The following CNTN3 variants were observed in gnomAD, a reference collection of about 807,000 sequenced individuals.
CNTN3 encodes contactin-3.
A neutral mutation model predicts 119.1 loss-of-function variants in CNTN3; 60 were observed. That is an observed-to-expected ratio of 0.50 (90% confidence interval 0.41 to 0.62). The LOEUF is 0.62. Among genes scored for constraint, CNTN3 ranks in the 20% least tolerant of loss-of-function variants. The probability of loss-of-function intolerance (pLI) is 0.00; values close to 1 mark genes in which losing one functional copy is unlikely to be tolerated. For synonymous variants in CNTN3, 450 were observed against 438.7 expected, an observed-to-expected ratio of 1.03 and a Z score of -0.32; for missense variants, 1,101 against 1,242.4, an observed-to-expected ratio of 0.89 and a Z score of 1.71.
At chr3:74,278,151 G>A (rs1236274805) in intron 20 of CNTN3, among the ~76,000 whole-genome samples, 4 of 151,944 alleles carry the variant, frequency 2.6e-5, no homozygotes, top group East Asian at 1.9e-4. Flanking sequence ...CCATGCTCAC[G>A]GATGGGTAGA....
chr3:74,576,236 CAG>C (rs1312005220), intron 1 of CNTN3, among the ~76,000 whole-genome samples: 4 of 152,126 alleles, frequency 2.6e-5, no homozygotes, highest in Admixed American at 1.3e-4. Context: ...GAACATCACA[CAG>C]ATTCATTTCT....
intron 8 of CNTN3, among the ~76,000 whole-genome samples, chr3:74,366,010 G>C (rs1575663196): frequency 6.6e-6 from 1 of 152,090 alleles, no homozygotes; most frequent in Non-Finnish European, 1.5e-5. Context: ...TTAGTAGACA[G>C]TAATACAGGT....
At chr3:74,425,052 T>A in intron 4 of CNTN3, 112 bp from the exon 5 acceptor site, 1 of 680,516 alleles carries the variant, frequency 1.5e-6, no homozygotes, top group Non-Finnish European at 2.5e-6. Context: ...GCTTTTTTCT[T>A]TAAAAATTTT....
At chr3:74,415,557 T>C (rs776341058) in intron 5 of CNTN3, among the ~76,000 whole-genome samples, 1 of 152,162 alleles carries the variant, frequency 6.6e-6, no homozygotes, top group African/African-American at 2.4e-5. Context: ...ACACATATCA[T>C]CCTAAAATGA....
chr3:74,389,531 A>C (rs1704840453), intron 5 of CNTN3, among the ~76,000 whole-genome samples: 1 of 152,218 alleles, frequency 6.6e-6, no homozygotes, highest in African/African-American at 2.4e-5. Flanking sequence ...TAGTTACAGT[A>C]GTGACAGTAA....
At chr3:74,488,709 T>C (rs945736496) in intron 3 of CNTN3, among the ~76,000 whole-genome samples, 1 of 152,210 alleles carries the variant, frequency 6.6e-6, no homozygotes, top group Non-Finnish European at 1.5e-5. Context: ...CCTTCACATA[T>C]GACCTCCTCA....
chr3:74,490,025 G>A (rs1343783555), intron 3 of CNTN3, among the ~76,000 whole-genome samples: 6 of 152,048 alleles, frequency 3.9e-5, no homozygotes, highest in African/African-American at 9.7e-5. Context: ...TTCTATGTTC[G>A]ATTGAATGCT....
intron 20 of CNTN3, among the ~76,000 whole-genome samples, chr3:74,268,948 T>C (rs988141622): frequency 6.6e-6 from 1 of 151,234 alleles, no homozygotes; most frequent in East Asian, 2.0e-4. Context: ...CAGGGAGAAA[T>C]GACTGCAAAT....
chr3:74,426,943 C>T (rs184276834), intron 4 of CNTN3, among the ~76,000 whole-genome samples: 1 of 152,290 alleles, frequency 6.6e-6, no homozygotes, highest in African/African-American at 2.4e-5. Flanking sequence ...TATCTTCTGC[C>T]ATACAATTTC....
chr3:74,610,010 A>T (rs1398725380), intron 1 of CNTN3, among the ~76,000 whole-genome samples: 1 of 152,132 alleles, frequency 6.6e-6, no homozygotes, highest in East Asian at 1.9e-4. Context: ...CTGTGGCCTA[A>T]GGGATGAGTA....
At chr3:74,396,342 G>A (rs1177390586) in intron 5 of CNTN3, among the ~76,000 whole-genome samples, 1 of 152,304 alleles carries the variant, frequency 6.6e-6, no homozygotes. Flanking sequence ...TGCTACTCCA[G>A]TAAGCACATG....
chr3:74,598,132 T>C (rs115288184), intron 1 of CNTN3, among the ~76,000 whole-genome samples: 4,052 of 152,170 alleles, frequency 0.027, 79 homozygotes, highest in South Asian at 0.041. Context: ...CCTTATGACA[T>C]GCTTTAACCA....
At chr3:74,442,832 T>C (rs969521587) in intron 4 of CNTN3, among the ~76,000 whole-genome samples, 1 of 152,232 alleles carries the variant, frequency 6.6e-6, no homozygotes, top group Non-Finnish European at 1.5e-5. Flanking sequence ...CTTTTATTTT[T>C]CTCTGTTTTG....
At chr3:74,594,292 C>CT (rs1332210790) in intron 1 of CNTN3, among the ~76,000 whole-genome samples, 3 of 102,970 alleles carry the variant, frequency 2.9e-5, no homozygotes, top group South Asian at 3.8e-4. Flanking sequence ...TTTTTTTTTA[C>CT]TTTTTTTTTA....
chr3:74,339,035 C>T (rs1298671820), intron 11 of CNTN3, among the ~76,000 whole-genome samples: 1 of 152,074 alleles, frequency 6.6e-6, no homozygotes, highest in South Asian at 2.1e-4. Flanking sequence ...CTTAGCCTAT[C>T]TGACAACAAA....
chr3:74,611,735 T>A (rs1447899154), intron 1 of CNTN3, among the ~76,000 whole-genome samples: 1 of 152,176 alleles, frequency 6.6e-6, no homozygotes, highest in African/African-American at 2.4e-5. Flanking sequence ...TATATGCATG[T>A]TAAAAGTATA....
chr3:74,285,357 A>T lies in CNTN3; in HGVS notation c.2652T>A (p.Ser884Arg). 1 of 1,613,352 alleles carries T rather than the reference A, an allele frequency of 6.2e-7. No homozygotes were observed. Among genetic ancestry groups the T allele is most frequent in the Non-Finnish European group, 8.5e-7 (1 of 1,179,638 alleles). Residue 884 changes from serine (S) to arginine (R), a missense_variant, in exon 20 of 23, where the codon AGT (serine) becomes AGA (arginine). Transcript: ENST00000263665. ...AYYTAVRAYN[S>R]AGAGPFSATV... ...TGGCGCTAAAAGGCCCAGCGCCGGC[A>T]CTGTTGTAAGCCCGGACAGCCGTGT...
intron 19 of CNTN3, among the ~76,000 whole-genome samples, chr3:74,290,003 ACT>A (rs758298862): frequency 6.7e-6 from 1 of 150,102 alleles, no homozygotes; most frequent in Non-Finnish European, 1.5e-5. Context: ...TTTCAGTGAA[ACT>A]CTCTTTCTTG....
At chr3:74,476,699 C>T (rs7623053) in intron 4 of CNTN3, among the ~76,000 whole-genome samples, 75,585 of 151,790 alleles carry the variant, frequency 0.5, 19,225 homozygotes, top group Non-Finnish European at 0.55. Context: ...GTCAAATAAT[C>T]AGAAAATAAT....
Sources: gnomAD v4.1 joint callset for allele counts (sites outside exome capture counted in the v4.1 genomes callset) on GRCh38, gnomAD v4.1.1 for gene constraint, MANE v1.5 for transcripts, NCBI Gene and HGNC (gene_info 2026-07-23, HGNC 2026-07-21) for gene names.